Variants in DCBLD1 observed in about 807,000 individuals in gnomAD.
The protein encoded by DCBLD1 is discoidin, CUB and LCCL domain-containing protein 1.
Under a neutral mutation model 71.5 loss-of-function variants are expected in DCBLD1, and 57 were observed. The observed-to-expected ratio is 0.80, with a 90% CI of 0.64 to 0.99. The LOEUF (loss-of-function observed/expected upper bound fraction) is 0.99, where lower values mean the gene tolerates loss of function less well. Among genes scored for constraint, DCBLD1 ranks in the 50% least tolerant of loss-of-function variants. The pLI is 0.00. For missense variants in DCBLD1, 891 were observed against 923.5 expected (o/e 0.96, Z 0.46); for synonymous variants, 380 against 363.8 (o/e 1.04, Z -0.51).
In DCBLD1 at chr6:117,496,112, T is replaced by G. The variant is rs567372044; in HGVS notation, c.113-7655T>G. 5.9e-5 allele frequency among the ~76,000 whole-genome samples: 9 copies of G among 152,340 alleles called. No homozygotes were observed. The South Asian group carries it at 1.7e-3, about 28-fold the overall frequency. ...TGTTTCATCTGCTGAGTCAACAGCATTATCATCCTTATTAGATCACTAGTC... is the reference window on the plus strand; with the variant it reads ...TGTTTCATCTGCTGAGTCAACAGCAGTATCATCCTTATTAGATCACTAGTC... On this transcript the variant is annotated intron_variant, in intron 1 of 14. Transcript: ENST00000338728.
At chr6:117,534,387 CAACTTG>C (rs1778819381) in intron 6 of DCBLD1, among the ~76,000 whole-genome samples, 1 of 152,036 alleles carries the variant, frequency 6.6e-6, no homozygotes, top group African/African-American at 2.4e-5. Flanking sequence ...CTTTAAATGC[CAACTTG>C]AACTTGACTT....
intron 9 of DCBLD1, chr6:117,540,263 G>A (rs1326214575): frequency 1.1e-5 from 2 of 174,568 alleles, no homozygotes; most frequent in Admixed American, 1.1e-4. Context: ...TATAAGTATG[G>A]TAGATGTTTG....
chr6:117,526,757 T>C (rs183061905), intron 5 of DCBLD1, among the ~76,000 whole-genome samples: 1 of 152,346 alleles, frequency 6.6e-6, no homozygotes, highest in East Asian at 1.9e-4. Flanking sequence ...TAGTGCCTTT[T>C]TTGTGTATGT....
At chr6:117,541,120 T>C (rs1363134460) in intron 11 of DCBLD1, 95 bp downstream of exon 11, 2 of 1,135,882 alleles carry the variant, frequency 1.8e-6, no homozygotes, top group Non-Finnish European at 2.6e-6. Context: ...CTCTGTCATA[T>C]AAACATTGGA....
chr6:117,537,414 G>C (rs904040854), intron 7 of DCBLD1, among the ~76,000 whole-genome samples, 189 bp downstream of exon 7: 2 of 151,710 alleles, frequency 1.3e-5, no homozygotes. Context: ...GGCGCCTGTA[G>C]TCCCAGCTTC....
intron 7 of DCBLD1, among the ~76,000 whole-genome samples, chr6:117,537,647 C>G (rs764485465): frequency 4.7e-5 from 3 of 63,446 alleles, no homozygotes; most frequent in Non-Finnish European, 1.0e-4. Context: ...CCTTTTTTCT[C>G]AGGTTACATA....
chr6:117,568,583 C>G (rs1583051333), intron 14 of DCBLD1, among the ~76,000 whole-genome samples: 1 of 152,172 alleles, frequency 6.6e-6, no homozygotes, highest in African/African-American at 2.4e-5. Flanking sequence ...TCTTAGATCT[C>G]TCTTGTCAGC....
chr6:117,558,256 G>A (rs541698024), intron 14 of DCBLD1, among the ~76,000 whole-genome samples: 35 of 152,216 alleles, frequency 2.3e-4, no homozygotes, highest in African/African-American at 8.4e-4. Flanking sequence ...TCCCTCCATT[G>A]TAGGAGGTAA....
chr6:117,552,081 C>T (rs982053331), downstream of DCBLD1, among the ~76,000 whole-genome samples: 1 of 152,268 alleles, frequency 6.6e-6, no homozygotes, highest in African/African-American at 2.4e-5. Flanking sequence ...GATCACGCCA[C>T]GGCACTCCAG....
intron 2 of DCBLD1, among the ~76,000 whole-genome samples, chr6:117,518,643 A>G (rs185461746): frequency 6.6e-6 from 1 of 152,306 alleles, no homozygotes; most frequent in East Asian, 1.9e-4. Context: ...AAGGCAAAAG[A>G]CATGTCTCAT....
chr6:117,550,553 C>T (rs1779411611), downstream of DCBLD1, among the ~76,000 whole-genome samples: 1 of 152,196 alleles, frequency 6.6e-6, no homozygotes, highest in African/African-American at 2.4e-5. Context: ...CTTACACAGG[C>T]TCCTGAAGCT....
At chr6:117,544,432 A>G (rs1256143728) in intron 12 of DCBLD1, 96 bp from the exon 13 acceptor site, 7 of 1,200,934 alleles carry the variant, frequency 5.8e-6, no homozygotes, top group Middle Eastern at 2.0e-4. Flanking sequence ...CATCAACCCT[A>G]TGAGGTAAGT....
intron 5 of DCBLD1, among the ~76,000 whole-genome samples, chr6:117,525,947 C>T (rs190448599): frequency 7.9e-5 from 12 of 152,194 alleles, no homozygotes. Flanking sequence ...ATACATAATC[C>T]TCCACTTGTT....
chr6:117,514,248 C>A (rs1279992834), intron 2 of DCBLD1, among the ~76,000 whole-genome samples: 1 of 152,154 alleles, frequency 6.6e-6, no homozygotes, highest in East Asian at 1.9e-4. Flanking sequence ...CTCTTATCCC[C>A]CACCCTGAAT....
intron 5 of DCBLD1, 113 bp from the exon 6 acceptor site, chr6:117,532,147 C>A (rs1412057205): frequency 2.1e-6 from 3 of 1,449,044 alleles, no homozygotes; most frequent in African/African-American, 1.4e-5. Context: ...CATTGGAAGG[C>A]TTTATTCATT....
intron 1 of DCBLD1, among the ~76,000 whole-genome samples, chr6:117,499,437 A>C (rs1441146299): frequency 6.6e-6 from 1 of 151,960 alleles, no homozygotes; most frequent in Non-Finnish European, 1.5e-5. Flanking sequence ...GAGAAAAAGC[A>C]TACAGGATAA....
At position 117,543,089 on chromosome 6, in the gene DCBLD1, T is replaced by A. The variant is rs769444843; in HGVS notation, c.1358-35T>A. The A allele has an allele frequency of 5.1e-6, 8 of 1,565,830 alleles. No homozygotes were observed. The African/African-American group carries it at 8.1e-5, about 16-fold the overall frequency. ...TCATGAAAAGTGGTTGTTGGTCATT[T>A]ATGTTGTAACGTGATGGCTTTCCGT... On this transcript the variant is annotated intron_variant, in intron 11 of 14. Transcript: ENST00000338728.
intron 1 of DCBLD1, among the ~76,000 whole-genome samples, chr6:117,503,003 T>G (rs1777712975): frequency 6.6e-6 from 1 of 152,226 alleles, no homozygotes; most frequent in Admixed American, 6.5e-5. Context: ...GCATTTTGTT[T>G]AGACCCCTGA....
chr6:117,552,311 T>C (rs940293284), downstream of DCBLD1, among the ~76,000 whole-genome samples: 3 of 152,226 alleles, frequency 2.0e-5, no homozygotes, highest in South Asian at 2.1e-4. Flanking sequence ...TATATTATAG[T>C]GTTTTGTATA....
Sources: gnomAD v4.1 joint callset for allele counts (sites outside exome capture counted in the v4.1 genomes callset) on GRCh38, gnomAD v4.1.1 for gene constraint, MANE v1.5 for transcripts, NCBI Gene and HGNC (gene_info 2026-07-23, HGNC 2026-07-21) for gene names.